Variants in PCNX2 observed in about 807,000 individuals in gnomAD.
The protein encoded by PCNX2 is pecanex-like protein 2.
In PCNX2, 168 loss-of-function variants were observed where a neutral mutation model predicts 223.8. The ratio of observed to expected loss-of-function variants is 0.75; its 90% CI spans 0.66 to 0.85. The LOEUF is 0.85. Among genes scored for constraint, PCNX2 ranks in the 40% least tolerant of loss-of-function variants. The pLI, the probability that PCNX2 is intolerant of heterozygous loss-of-function variation, is 0.00. For missense variants in PCNX2, 2,507 were observed against 2,675.5 expected (o/e 0.94, Z 1.39); for synonymous variants, 1,006 against 1,052.6 (o/e 0.96, Z 0.86).
chr1:233,163,133 T>C (rs1259026016), intron 17 of PCNX2, among the ~76,000 whole-genome samples: 1 of 105,536 alleles, frequency 9.5e-6, no homozygotes, highest in Non-Finnish European at 2.1e-5. Flanking sequence ...TTTCCTATAT[T>C]ATAATTTCTA....
intron 19 of PCNX2, among the ~76,000 whole-genome samples, chr1:233,152,498 G>A (rs923281279): frequency 1.3e-5 from 2 of 152,046 alleles, no homozygotes; most frequent in African/African-American, 2.4e-5. Flanking sequence ...AAAGACCCCT[G>A]CATAGTTTTA....
At chr1:233,291,132 G>T in intron 1 of PCNX2, 17 of 973,264 alleles carry the variant, frequency 1.7e-5, no homozygotes, top group Non-Finnish European at 2.1e-5. Flanking sequence ...AGACTCGGAT[G>T]CTACAGGACC....
chr1:233,285,735 G>A (rs762907069), intron 1 of PCNX2, among the ~76,000 whole-genome samples: 2 of 152,198 alleles, frequency 1.3e-5, no homozygotes, highest in Non-Finnish European at 2.9e-5. Context: ...GTTTAGGTTG[G>A]TTATTACTTC....
chr1:233,136,379 G>C (rs550278436), intron 20 of PCNX2, among the ~76,000 whole-genome samples: 173 of 152,296 alleles, frequency 1.1e-3, no homozygotes, highest in South Asian at 2.1e-3. Context: ...GGTTATTTAA[G>C]AAGTACAAAA....
intron 1 of PCNX2, among the ~76,000 whole-genome samples, chr1:233,276,464 T>C (rs1041166375): frequency 6.6e-6 from 1 of 152,230 alleles, no homozygotes; most frequent in Non-Finnish European, 1.5e-5. Context: ...AAGGTGGTTA[T>C]GATGGGACAT....
At chr1:233,248,295 C>T (rs997260064) in intron 8 of PCNX2, among the ~76,000 whole-genome samples, 7 of 151,918 alleles carry the variant, frequency 4.6e-5, no homozygotes, top group African/African-American at 1.5e-4. Flanking sequence ...GGGGGAACCT[C>T]GAATCCAGCT....
At chr1:233,016,405 C>T (rs1670655980) in intron 27 of PCNX2, among the ~76,000 whole-genome samples, 1 of 152,128 alleles carries the variant, frequency 6.6e-6, no homozygotes, top group Non-Finnish European at 1.5e-5. Context: ...TTTTTGTAAA[C>T]TGTCATAATT....
the PCNX2 span, among the ~76,000 whole-genome samples, chr1:233,325,532 T>C: frequency 2.7e-5 from 4 of 148,184 alleles, no homozygotes; most frequent in African/African-American, 4.9e-5. Context: ...AAAAATTAGC[T>C]GGGCGTGGTG....
intron 23 of PCNX2, chr1:233,087,009 G>A (rs1243334156): frequency 1.3e-5 from 13 of 984,686 alleles, no homozygotes; most frequent in African/African-American, 1.7e-5. Context: ...GGCAGACAGG[G>A]GACACATTTG....
intron 13 of PCNX2, among the ~76,000 whole-genome samples, chr1:233,203,129 TC>T (rs1428406110): frequency 6.6e-6 from 1 of 152,228 alleles, no homozygotes; most frequent in Non-Finnish European, 1.5e-5. Context: ...AAGTGTTTCT[TC>T]CCTGGGTTGG....
chr1:233,276,315 G>T (rs185840955), intron 1 of PCNX2, among the ~76,000 whole-genome samples: 2 of 152,084 alleles, frequency 1.3e-5, no homozygotes, highest in Non-Finnish European at 2.9e-5. Flanking sequence ...CCGGGGGCTT[G>T]GGGGAGAGAG....
chr1:233,192,700 G>A (rs1680489669), intron 15 of PCNX2, among the ~76,000 whole-genome samples: 1 of 151,970 alleles, frequency 6.6e-6, no homozygotes, highest in African/African-American at 2.4e-5. Flanking sequence ...CGAATAATAT[G>A]AATGCCAAAT....
chr1:233,157,407 G>T (rs886666726), intron 19 of PCNX2, among the ~76,000 whole-genome samples: 27 of 152,194 alleles, frequency 1.8e-4, no homozygotes, highest in African/African-American at 5.1e-4. Flanking sequence ...CAGCACATAT[G>T]CCTTATCTTA....
At chr1:233,022,695 C>CTTTTTTT (rs372153367) in intron 26 of PCNX2, among the ~76,000 whole-genome samples, 1 of 128,678 alleles carries the variant, frequency 7.8e-6, no homozygotes, top group African/African-American at 3.0e-5. Context: ...CTTTTTCTTT[C>CTTTTTTT]TTTTTTTTTT....
intron 25 of PCNX2, among the ~76,000 whole-genome samples, chr1:233,033,386 C>CTAGATA (rs1671336573): frequency 6.6e-6 from 1 of 152,130 alleles, no homozygotes; most frequent in Non-Finnish European, 1.5e-5. Flanking sequence ...TTCTAGGATA[C>CTAGATA]CCAGTACATT....
rs1229397646 is a variant in PCNX2, at chr1:233,252,677, C to T, written c.1946G>A (p.Gly649Asp). ...DLQSQDHTSTGPACTQPAKTT... is the reference protein window; with the variant it reads ...DLQSQDHTSTDPACTQPAKTT... ...CTTGGCAGGCTGAGTGCATGCGGGG[C>T]CGGTGCTAGTATGGTCTTGACTTTG... The change falls in exon 6 of 34, where the codon GGC becomes GAC. Residue 649 changes from glycine (G) to aspartate (D), a missense_variant. Gly to Asp is a moderately conservative substitution (Grantham distance 94, BLOSUM62 -1). Coordinates refer to ENST00000258229, the MANE Select transcript of PCNX2 (RefSeq NM_014801.4). 1 of 1,613,626 alleles carries T rather than the reference C, an allele frequency of 6.2e-7. No individual in the cohort carries two copies. The highest frequency in any genetic ancestry group is 1.1e-5 in the South Asian group (1 of 90,986).
rs1420903333 is a variant in PCNX2, at chr1:233,001,657, G to C, written c.4977C>G (p.Leu1659=). The C allele has an allele frequency of 3.1e-6, 5 of 1,587,774 alleles. No individual in the cohort carries two copies. Among genetic ancestry groups the C allele is most frequent in the Non-Finnish European group, 4.3e-6 (5 of 1,165,692 alleles). The change falls in exon 29 of 34, where the codon CTC becomes CTG. Residue 1659 remains leucine (L), a synonymous_variant. Transcript: ENST00000258229. The surrounding 1 kb of genome is among the most constrained non-coding windows in gnomAD (Gnocchi z 4.2). ...AISLDSFLYG[L]HVLFKGDFRI... ...TGAAGTCACCTTTGAAGAGGACATG[G>C]AGGCCATACAGGAAAGAATCCAGGC...
At chr1:233,129,402 C>G (rs553433700) in intron 21 of PCNX2, among the ~76,000 whole-genome samples, 1 of 152,222 alleles carries the variant, frequency 6.6e-6, no homozygotes, top group African/African-American at 2.4e-5. Flanking sequence ...CCCGCCCCGC[C>G]GCGGTGGGCT....
At chr1:233,046,704 G>A (rs1671834318) in intron 25 of PCNX2, among the ~76,000 whole-genome samples, 1 of 152,206 alleles carries the variant, frequency 6.6e-6, no homozygotes. Context: ...GGGCAGTCTA[G>A]TCTCACATAA....
Sources: allele counts gnomAD v4.1 joint callset (sites outside exome capture counted in the v4.1 genomes callset), GRCh38; gene constraint gnomAD v4.1.1; non-coding constraint Gnocchi (gnomAD v3.1); transcripts MANE v1.5; gene names NCBI Gene and HGNC (gene_info 2026-07-23, HGNC 2026-07-21).